Variants in CAMK2G observed in about 807,000 individuals in gnomAD.
The protein encoded by CAMK2G is calcium/calmodulin dependent protein kinase II gamma, also known as calcium/calmodulin-dependent protein kinase type II subunit gamma.
Under a neutral mutation model 88.7 loss-of-function variants are expected in CAMK2G, and 23 were observed. The ratio of observed to expected loss-of-function variants is 0.26; its 90% confidence interval spans 0.19 to 0.37. The LOEUF is 0.37. CAMK2G is among the 10% of genes least tolerant of loss of function. CAMK2G has a pLI of 1.00. For synonymous variants in CAMK2G, 263 were observed against 294.8 expected, an observed-to-expected ratio of 0.89 and a Z score of 1.11; for missense variants, 476 against 780.8, an observed-to-expected ratio of 0.61 and a Z score of 4.65.
At chr10:73,857,508 G>C (rs2095124867) in intron 3 of CAMK2G, among the ~76,000 whole-genome samples, 1 of 152,170 alleles carries the variant, frequency 6.6e-6, no homozygotes, top group Non-Finnish European at 1.5e-5. Context: ...AGTAGCATGA[G>C]CATCAGCTGG....
At chr10:73,853,361 A>G in intron 3 of CAMK2G, 115 bp from the exon 4 acceptor site, 1 of 891,628 alleles carries the variant, frequency 1.1e-6, no homozygotes, top group Non-Finnish European at 1.8e-6. Context: ...GGCTCTCCAG[A>G]AGGAGCAGTG....
At chr10:73,864,515 G>A (rs1197514839) in intron 2 of CAMK2G, among the ~76,000 whole-genome samples, 2 of 152,202 alleles carry the variant, frequency 1.3e-5, no homozygotes, top group Non-Finnish European at 2.9e-5. Flanking sequence ...AGTGGGGAGT[G>A]CAGATTTGAG....
At position 73,842,121 on chromosome 10, in the gene CAMK2G, G is replaced by C. The variant is rs764172359; in HGVS notation, c.946+48C>G. 2.7e-6 allele frequency: 4 copies of C among 1,492,914 alleles called. No homozygotes were observed. In the South Asian group the frequency reaches 3.4e-5, roughly 13 times the overall value. 92.5% of individuals were successfully genotyped at this position (1,492,914 alleles called of 1,614,324 possible). On this transcript the variant is annotated intron_variant, in intron 12 of 22. Coordinates refer to ENST00000423381, the MANE Select transcript of CAMK2G (RefSeq NM_001367534.1). This position sits in a 1 kb window ranked among gnomAD's most constrained non-coding sequence, Gnocchi z 4.6. ...CCCGGGATGGCAACAGCCCATTCCT[G>C]ATCCACTCACCTCGGCATAATCAAA...
chr10:73,833,909 GTTTTTTTT>G (rs778838628), intron 14 of CAMK2G, among the ~76,000 whole-genome samples: 1 of 63,394 alleles, frequency 1.6e-5, no homozygotes, highest in Admixed American at 2.3e-4. Context: ...TATCTACTGG[GTTTTTTTT>G]TTTTTTTTTT....
chr10:73,827,648 A>G (rs1034129680), intron 15 of CAMK2G, among the ~76,000 whole-genome samples: 3 of 152,352 alleles, frequency 2.0e-5, no homozygotes, highest in Admixed American at 2.0e-4. Flanking sequence ...GGGCAGAGCC[A>G]GGAGAGCGAG....
intron 21 of CAMK2G, chr10:73,816,096 G>A: frequency 1.0e-6 from 1 of 985,538 alleles, no homozygotes; most frequent in Non-Finnish European, 1.2e-6. Flanking sequence ...GATAGGGAAG[G>A]CCCAGCATAA....
At chr10:73,828,220 AT>A (rs1264986273) in intron 14 of CAMK2G, 99 bp from the exon 15 acceptor site, 4 of 994,438 alleles carry the variant, frequency 4.0e-6, no homozygotes, top group Admixed American at 1.9e-5. Flanking sequence ...TGGGCTCTGC[AT>A]CAGGGAGAAA....
At chr10:73,863,495 C>T (rs937638355) in intron 2 of CAMK2G, among the ~76,000 whole-genome samples, 5 of 152,192 alleles carry the variant, frequency 3.3e-5, no homozygotes, top group African/African-American at 7.2e-5. Flanking sequence ...AGCCAGCCAG[C>T]CCCAAAGCTA....
At chr10:73,851,906 G>A (rs1034134544) in intron 5 of CAMK2G, among the ~76,000 whole-genome samples, 3 of 151,906 alleles carry the variant, frequency 2.0e-5, no homozygotes, top group Non-Finnish European at 1.5e-5. Context: ...CACCACACCC[G>A]GCTAATTTTT....
At chr10:73,844,078 T>G (rs1472656984) in intron 10 of CAMK2G, among the ~76,000 whole-genome samples, 2 of 151,870 alleles carry the variant, frequency 1.3e-5, no homozygotes, top group Non-Finnish European at 2.9e-5. Flanking sequence ...TAGTTAAGCC[T>G]CTCCTTAAAC....
chr10:73,818,868 A>G (rs1386604137), intron 19 of CAMK2G: 2 of 455,924 alleles, frequency 4.4e-6, no homozygotes, highest in South Asian at 1.5e-5. Flanking sequence ...AAAGCAGCAG[A>G]CAAAGGCATC....
intron 14 of CAMK2G, among the ~76,000 whole-genome samples, chr10:73,836,198 T>G (rs1204615779): frequency 1.3e-5 from 2 of 152,176 alleles, no homozygotes; most frequent in Non-Finnish European, 2.9e-5. Context: ...CTCACCTATG[T>G]CCCTGCAGCT....
chr10:73,823,016 C>T (rs2133472506), intron 17 of CAMK2G, among the ~76,000 whole-genome samples: 1 of 151,786 alleles, frequency 6.6e-6, no homozygotes, highest in South Asian at 2.1e-4. Context: ...CATGTGCCAC[C>T]ATCCCCAGGT....
chr10:73,866,668 C>A (rs2095607175), intron 2 of CAMK2G, among the ~76,000 whole-genome samples: 1 of 152,164 alleles, frequency 6.6e-6, no homozygotes, highest in African/African-American at 2.4e-5. Context: ...ATGTGAGAAA[C>A]TTCCTGCAAC....
At chr10:73,828,349 C>A (rs1358740564) in intron 14 of CAMK2G, among the ~76,000 whole-genome samples, 1 of 152,162 alleles carries the variant, frequency 6.6e-6, no homozygotes, top group Admixed American at 6.5e-5. Flanking sequence ...GGTTCATAGA[C>A]ACAGATTTAG....
rs116796194 is a variant in CAMK2G, at chr10:73,853,054, C to T, written c.275+138G>A. 2,704 of 776,576 alleles carry T rather than the reference C, an allele frequency of 3.5e-3. 58 individuals carry two copies. In the African/African-American group the frequency reaches 0.044, roughly 13 times the overall value. The allele number at this position is 776,576 out of a possible 1,614,324, so 48.1% of individuals were successfully genotyped here. On this transcript the variant is annotated intron_variant, in intron 4 of 22. Coordinates refer to ENST00000423381, the MANE Select transcript of CAMK2G (RefSeq NM_001367534.1). ...CCCCTTGGTGGGGGCAGCAATCTGCCCCAGTCAAATCCTTTCCCTCGGACA... is the reference window on the plus strand; with the variant it reads ...CCCCTTGGTGGGGGCAGCAATCTGCTCCAGTCAAATCCTTTCCCTCGGACA...
chr10:73,823,362 C>T (rs912386051), intron 17 of CAMK2G, among the ~76,000 whole-genome samples: 3 of 152,092 alleles, frequency 2.0e-5, no homozygotes, highest in South Asian at 2.1e-4. Context: ...ACTACAGGCA[C>T]GCGCCACCAC....
intron 3 of CAMK2G, among the ~76,000 whole-genome samples, chr10:73,855,268 C>G (rs763106471): frequency 6.6e-5 from 10 of 152,162 alleles, no homozygotes; most frequent in Non-Finnish European, 1.5e-4. Flanking sequence ...TCCCTCGCTT[C>G]CAAAAGGACT....
In CAMK2G at chr10:73,847,338, G is replaced by T. The variant is rs1279584071; in HGVS notation, c.706C>A (p.Pro236Thr). The part of the protein sequence containing the change: ...IKAGAYDFPS[P>T]EWDTVTPEAK... ...TCAGGAGTTACCGTGTCCCATTCTG[G>T]TGATGGGAACTAAGGAGCAGGAATA... is the stretch of plus-strand genomic sequence containing the variant. Residue 236 changes from proline to threonine, a missense_variant, in exon 10 of 23, where the codon CCA becomes ACA. Pro to Thr is a conservative substitution (Grantham distance 38). Around this residue, in one of 3 missense-constraint regions of CAMK2G, gnomAD observed 164 missense variants for 385.6 expected, o/e 0.43. Transcript: ENST00000423381. 2 of 1,613,932 alleles carry T rather than the reference G, an allele frequency of 1.2e-6. No individual in the cohort carries two copies. The highest frequency in any genetic ancestry group is 1.7e-6 in the Non-Finnish European group (2 of 1,179,816).
Sources: allele counts gnomAD v4.1 joint callset (sites outside exome capture counted in the v4.1 genomes callset), GRCh38; gene constraint gnomAD v4.1.1; regional missense constraint gnomAD v4.1.1; non-coding constraint Gnocchi (gnomAD v3.1); transcripts MANE v1.5; gene names NCBI Gene and HGNC (gene_info 2026-07-23, HGNC 2026-07-21).